The following MPP7 variants were observed in gnomAD, a reference collection of about 807,000 sequenced individuals.
MPP7 encodes the protein MAGUK p55 subfamily member 7.
In MPP7, 60 loss-of-function variants were observed where a neutral mutation model predicts 76.5. The ratio of observed to expected loss-of-function variants is 0.78; its 90% CI spans 0.64 to 0.97. MPP7 has a LOEUF of 0.97. Ranked by LOEUF, MPP7 falls within the 50% of genes least tolerant of loss-of-function variation. The pLI is 0.00. For missense variants in MPP7, 641 were observed against 694.0 expected (o/e 0.92, Z 0.86); for synonymous variants, 237 against 244.5 (o/e 0.97, Z 0.29).
chr10:28,063,584 C>T (rs1002991563), intron 13 of MPP7, among the ~76,000 whole-genome samples: 1 of 151,728 alleles, frequency 6.6e-6, no homozygotes, highest in Non-Finnish European at 1.5e-5. Flanking sequence ...AGAAGGTGAG[C>T]GACAGGCAGG....
chr10:28,187,507 C>A (rs1344734007), intron 3 of MPP7, among the ~76,000 whole-genome samples: 3 of 152,192 alleles, frequency 2.0e-5, no homozygotes, highest in Non-Finnish European at 4.4e-5. Flanking sequence ...ATGGATCATT[C>A]GCAATGTCTG....
At chr10:28,242,030 A>G (rs1046331769) in intron 1 of MPP7, among the ~76,000 whole-genome samples, 1 of 152,196 alleles carries the variant, frequency 6.6e-6, no homozygotes, top group Non-Finnish European at 1.5e-5. Flanking sequence ...ACTTGTTTTC[A>G]GTAAATAATT....
At position 28,076,540 on chromosome 10, in the gene MPP7, C is replaced by T. The variant is rs986553145; in HGVS notation, c.1124-6688G>A. Among the ~76,000 whole-genome samples, 29 of 147,534 alleles carry T rather than the reference C, an allele frequency of 2.0e-4. No individual in the cohort carries two copies. In the East Asian group the frequency reaches 2.6e-3, roughly 13 times the overall value. On this transcript the variant is annotated intron_variant, in intron 12 of 16. Coordinates refer to ENST00000683449, the MANE Select transcript of MPP7 (RefSeq NM_001318170.2). ...TTATATATGTTCCCACACACATGCG[C>T]GCACACACACACACACACAGAAGCA...
intron 3 of MPP7, among the ~76,000 whole-genome samples, chr10:28,190,524 A>G (rs990352736): frequency 2.0e-5 from 3 of 152,214 alleles, no homozygotes; most frequent in Non-Finnish European, 4.4e-5. Context: ...ACAGAAAGAC[A>G]GCAGGAAAAT....
chr10:28,323,117 T>TAAAATTACAAAAATA (rs1190033415), intron 2 of MPP7, among the ~76,000 whole-genome samples: 33 of 152,140 alleles, frequency 2.2e-4, no homozygotes, highest in African/African-American at 7.7e-4. Context: ...AAACCCCGTC[T>TAAAATTACAAAAATA]CTACTAAAAA....
In MPP7 at chr10:28,283,195, G is replaced by C. The variant is rs528606790; in HGVS notation, c.-132+19666C>G. Among the ~76,000 whole-genome samples the C allele has an allele frequency of 3.9e-5, 6 of 152,034 alleles. No homozygotes were observed. The East Asian group carries it at 1.2e-3, about 29-fold the overall frequency. ...GAAAGAAAGATTAAAGATCCATAAA[G>C]GGGAGGAAATTTCCAATATGAATTC... On this transcript the variant is annotated intron_variant, in intron 1 of 16. Transcript: ENST00000683449.
chr10:28,328,065 C>G (rs1834435323), intron 2 of MPP7, among the ~76,000 whole-genome samples: 1 of 152,086 alleles, frequency 6.6e-6, no homozygotes, highest in African/African-American at 2.4e-5. Context: ...AACCATGAAT[C>G]CTTTTCTTAT....
intron 2 of MPP7, among the ~76,000 whole-genome samples, chr10:28,204,678 T>TA (rs1050543459): frequency 2.8e-4 from 42 of 151,908 alleles, no homozygotes; most frequent in Non-Finnish European, 2.5e-4. Flanking sequence ...AATGCTAACA[T>TA]AAAAAAAATT....
intron 1 of MPP7, among the ~76,000 whole-genome samples, chr10:28,269,121 G>C (rs1840240321): frequency 6.6e-6 from 1 of 152,162 alleles, no homozygotes; most frequent in South Asian, 2.1e-4. Flanking sequence ...CATGGATTCA[G>C]TGTGATATAA....
At chr10:28,069,931 G>A in intron 12 of MPP7, 79 bp from the exon 13 acceptor site, 1 of 1,035,452 alleles carries the variant, frequency 9.7e-7, no homozygotes, top group Non-Finnish European at 1.5e-6. Context: ...GAGTCTCTAA[G>A]ACAGACTGAA....
intron 1 of MPP7, among the ~76,000 whole-genome samples, chr10:28,287,816 T>A (rs1301737985): frequency 6.6e-6 from 1 of 152,116 alleles, no homozygotes; most frequent in Admixed American, 6.6e-5. Context: ...GATACATGAG[T>A]AAGAAAGATC....
At chr10:28,247,542 T>C (rs143049491) in intron 1 of MPP7, among the ~76,000 whole-genome samples, 55 of 152,344 alleles carry the variant, frequency 3.6e-4, no homozygotes, top group African/African-American at 1.3e-3. Context: ...CAAACAACTT[T>C]ATATTAAGTT....
At chr10:28,254,305 T>TA (rs1839716768) in intron 1 of MPP7, among the ~76,000 whole-genome samples, 1 of 152,182 alleles carries the variant, frequency 6.6e-6, no homozygotes, top group South Asian at 2.1e-4. Context: ...TAAATGGCTA[T>TA]AAAAAGAAAA....
At chr10:28,288,375 G>C (rs532281996) in intron 1 of MPP7, among the ~76,000 whole-genome samples, 1 of 152,114 alleles carries the variant, frequency 6.6e-6, no homozygotes, top group Non-Finnish European at 1.5e-5. Context: ...AAGTAGCTAG[G>C]ACCACAAGTG....
At chr10:28,141,811 A>G (rs10826405) in intron 5 of MPP7, among the ~76,000 whole-genome samples, 15,496 of 152,144 alleles carry the variant, frequency 0.1, 1,313 homozygotes, top group East Asian at 0.42. Context: ...CTGGGAAAAT[A>G]CATTTGCAAG....
chr10:28,168,262 T>A (rs1410068923), intron 3 of MPP7, among the ~76,000 whole-genome samples: 1 of 152,158 alleles, frequency 6.6e-6, no homozygotes, highest in African/African-American at 2.4e-5. Context: ...CTATATCTAC[T>A]GGCCCCTACA....
chr10:28,200,023 A>G (rs1837718033), intron 3 of MPP7, among the ~76,000 whole-genome samples: 1 of 152,154 alleles, frequency 6.6e-6, no homozygotes, highest in South Asian at 2.1e-4. Context: ...ATAAAACCAA[A>G]GCGATTTTGA....
intron 1 of MPP7, among the ~76,000 whole-genome samples, chr10:28,247,669 A>G (rs77787859): frequency 0.01 from 1,566 of 152,320 alleles, 27 homozygotes; most frequent in African/African-American, 0.035. Flanking sequence ...TTTATTTCCA[A>G]TGCTAAGAAC....
At chr10:28,057,853 G>A (rs1253223001) in intron 15 of MPP7, 1 of 1,240,258 alleles carries the variant, frequency 8.1e-7, no homozygotes, top group Non-Finnish European at 1.0e-6. Flanking sequence ...ATGGTCCCTG[G>A]GGGATGAGGA....
Sources: gnomAD v4.1 joint callset for allele counts (sites outside exome capture counted in the v4.1 genomes callset) on GRCh38, gnomAD v4.1.1 for gene constraint, MANE v1.5 for transcripts, NCBI Gene and HGNC (gene_info 2026-07-23, HGNC 2026-07-21) for gene names.